Variants in LRRC7 observed in about 807,000 individuals in gnomAD.
LRRC7 encodes the protein leucine-rich repeat-containing protein 7.
LRRC7 carries 23 observed loss-of-function variants against 175.7 expected under a neutral mutation model. The ratio of observed to expected loss-of-function variants is 0.13; its 90% CI spans 0.09 to 0.19. LRRC7 has a LOEUF of 0.19. LRRC7 is among the 10% of genes least tolerant of loss of function. The probability of loss-of-function intolerance (pLI) is 1.00; values close to 1 mark genes in which losing one functional copy is unlikely to be tolerated. For synonymous variants in LRRC7, 685 were observed against 680.9 expected (o/e 1.01, Z -0.09); for missense variants, 1,354 against 1,904.7 (o/e 0.71, Z 5.38).
At position 69,933,882 on chromosome 1, in the gene LRRC7, G is replaced by A. The variant is rs115253771; in HGVS notation, c.711+2312G>A. Among the ~76,000 whole-genome samples the A allele has an allele frequency of 4.2e-3, 633 of 152,202 alleles. 4 individuals carry two copies. The highest frequency in any genetic ancestry group is 0.015 in the African/African-American group (614 of 41,540). ...CGAGCAGAAATAACTTTTATTTTGT[G>A]TTATGCCAGTATTTCATGCCAGGCA... is the stretch of plus-strand genomic sequence containing the variant. On this transcript the variant is annotated intron_variant, in intron 8 of 26. Transcript: ENST00000651989.
chr1:69,757,017 G>T (rs1009350527), intron 2 of LRRC7, among the ~76,000 whole-genome samples: 1 of 151,948 alleles, frequency 6.6e-6, no homozygotes, highest in African/African-American at 2.4e-5. Flanking sequence ...TATGTGTGGG[G>T]AGCATAAATC....
Position 69,589,432 on chromosome 1 carries a change from G to A in LRRC7, c.2+20791G>A, listed in dbSNP as rs777280991. Among the ~76,000 whole-genome samples, 68 of 152,128 alleles carry A rather than the reference G, an allele frequency of 4.5e-4. 2 individuals carry two copies. The highest frequency in any genetic ancestry group is 1.7e-3 in the Admixed American group (26 of 15,262). ...CATCAGAAACATTTAGCTCAGACGC[G>A]TTCATGTCTCACTAGGGTATGAAGA... is the stretch of plus-strand genomic sequence containing the variant. On this transcript the variant is annotated intron_variant, in intron 1 of 26. Coordinates refer to ENST00000651989, the MANE Select transcript of LRRC7 (RefSeq NM_001370785.2).
chr1:69,584,895 G>T (rs1040111301), intron 1 of LRRC7, among the ~76,000 whole-genome samples: 3 of 148,064 alleles, frequency 2.0e-5, no homozygotes, highest in African/African-American at 7.4e-5. Context: ...TGCCTGTGTT[G>T]TTCTCATTAA....
intron 26 of LRRC7, among the ~76,000 whole-genome samples, chr1:70,110,819 C>T (rs892642437): frequency 7.2e-5 from 11 of 152,036 alleles, no homozygotes; most frequent in African/African-American, 2.2e-4. Flanking sequence ...CTGAAAGAAA[C>T]GAGAATGGCT....
intron 7 of LRRC7, among the ~76,000 whole-genome samples, chr1:69,908,109 C>T (rs548093306): frequency 6.6e-6 from 1 of 152,232 alleles, no homozygotes; most frequent in East Asian, 1.9e-4. Context: ...GTGGTGATAT[C>T]GCCTTTATCA....
intron 7 of LRRC7, among the ~76,000 whole-genome samples, chr1:69,855,082 A>T (rs1352273950): frequency 6.6e-6 from 1 of 152,214 alleles, no homozygotes; most frequent in Non-Finnish European, 1.5e-5. Context: ...TTGATGCATG[A>T]TAAATGAAAG....
intron 3 of LRRC7, among the ~76,000 whole-genome samples, chr1:69,762,878 C>A (rs1198673923): frequency 2.0e-5 from 3 of 151,868 alleles, no homozygotes; most frequent in African/African-American, 7.3e-5. Flanking sequence ...TATCATTGAC[C>A]TGCCTTATAT....
intron 25 of LRRC7, among the ~76,000 whole-genome samples, chr1:70,104,859 T>A (rs1371438530): frequency 2.0e-5 from 3 of 152,198 alleles, no homozygotes; most frequent in African/African-American, 7.2e-5. Flanking sequence ...TTCTATGATC[T>A]GGATTCATAC....
chr1:70,096,738 G>A (rs187006467), intron 25 of LRRC7, among the ~76,000 whole-genome samples: 3 of 152,230 alleles, frequency 2.0e-5, no homozygotes, highest in East Asian at 1.9e-4. Flanking sequence ...TGATATGTTC[G>A]AGTTTTGTAT....
At chr1:69,745,006 T>C (rs533832189) in intron 2 of LRRC7, among the ~76,000 whole-genome samples, 7 of 151,938 alleles carry the variant, frequency 4.6e-5, no homozygotes, top group Admixed American at 2.0e-4. Context: ...GTAGTAAACT[T>C]CCAAAAATAT....
intron 2 of LRRC7, among the ~76,000 whole-genome samples, chr1:69,706,677 T>C (rs1407171870): frequency 1.3e-5 from 2 of 152,104 alleles, no homozygotes; most frequent in African/African-American, 4.8e-5. Context: ...ATGCAGGAAA[T>C]AGACAATAAT....
At chr1:69,611,737 G>A (rs190077491) in intron 1 of LRRC7, among the ~76,000 whole-genome samples, 1 of 152,078 alleles carries the variant, frequency 6.6e-6, no homozygotes, top group East Asian at 1.9e-4. Context: ...CACTATGTTT[G>A]ATGGCTGTTT....
chr1:69,797,026 C>A (rs1363376618), intron 4 of LRRC7, among the ~76,000 whole-genome samples: 1 of 151,974 alleles, frequency 6.6e-6, no homozygotes, highest in Non-Finnish European at 1.5e-5. Context: ...TCATTTATTT[C>A]TCTGTTTGGA....
chr1:70,128,239 G>A lies in LRRC7; in HGVS notation c.*6352G>A, dbSNP rs367593285. ...GACCTCCCAAAGTGCTGGGATTACA[G>A]GCGTGAGCCACTGTGCCCAGCATTT... On this transcript the variant is annotated 3_prime_UTR_variant, in exon 27 of 27. Coordinates refer to ENST00000651989, the MANE Select transcript of LRRC7 (RefSeq NM_001370785.2). Among the ~76,000 whole-genome samples the A allele has an allele frequency of 6.6e-5, 10 of 152,228 alleles. No homozygotes were observed. Among genetic ancestry groups the A allele is most frequent in the East Asian group, 3.8e-4 (2 of 5,200 alleles).
intron 2 of LRRC7, among the ~76,000 whole-genome samples, chr1:69,740,743 A>T (rs1229588614): frequency 6.6e-6 from 1 of 152,026 alleles, no homozygotes; most frequent in Non-Finnish European, 1.5e-5. Flanking sequence ...CACTTGTTAC[A>T]GTTCACGGTG....
At chr1:69,629,918 C>T (rs994241735) in intron 1 of LRRC7, among the ~76,000 whole-genome samples, 27 of 152,218 alleles carry the variant, frequency 1.8e-4, no homozygotes, top group African/African-American at 5.5e-4. Context: ...AACAGCTGAG[C>T]TAGTTTTCTT....
At chr1:69,612,151 G>A (rs572216051) in intron 1 of LRRC7, among the ~76,000 whole-genome samples, 1 of 152,012 alleles carries the variant, frequency 6.6e-6, no homozygotes, top group East Asian at 1.9e-4. Context: ...CATTAAAAGT[G>A]AATAAATGTA....
intron 1 of LRRC7, among the ~76,000 whole-genome samples, chr1:69,598,775 A>C (rs1646939384): frequency 1.3e-5 from 2 of 152,200 alleles, no homozygotes. Context: ...ATACAAAAGG[A>C]TATTGGATGC....
chr1:69,986,132 A>G (rs1653918428), intron 9 of LRRC7, 110 bp from the exon 10 acceptor site: 3 of 973,604 alleles, frequency 3.1e-6, no homozygotes, highest in Non-Finnish European at 4.5e-6. Context: ...AACACTTGTT[A>G]TTGTTGTGGT....
Sources: gnomAD v4.1 joint callset for allele counts (sites outside exome capture counted in the v4.1 genomes callset) on GRCh38, gnomAD v4.1.1 for gene constraint, MANE v1.5 for transcripts, NCBI Gene and HGNC (gene_info 2026-07-23, HGNC 2026-07-21) for gene names.